FBN2: variants seen among roughly 807,000 people sequenced by gnomAD.
FBN2 encodes fibrillin 2, also known as fibrillin-2.
Under a neutral mutation model 355.6 loss-of-function variants are expected in FBN2, and 105 were observed. The observed-to-expected ratio is 0.30, with a 90% CI of 0.25 to 0.35. The LOEUF (loss-of-function observed/expected upper bound fraction) is 0.35, where lower values mean the gene tolerates loss of function less well. Ranked by LOEUF, FBN2 falls within the 10% of genes least tolerant of loss-of-function variation. FBN2 has a pLI of 1.00. For missense variants in FBN2, 3,280 were observed against 3,758.7 expected (o/e 0.87, Z 3.33); for synonymous variants, 1,350 against 1,301.2 (o/e 1.04, Z -0.81).
chr5:128,518,047 T>G (rs1756330250), intron 5 of FBN2, among the ~76,000 whole-genome samples: 1 of 152,202 alleles, frequency 6.6e-6, no homozygotes, highest in African/African-American at 2.4e-5. Flanking sequence ...ATCAGGACAT[T>G]ATTTTAGATA....
chr5:128,478,917 C>T (rs143938204), intron 5 of FBN2, among the ~76,000 whole-genome samples: 30 of 152,276 alleles, frequency 2.0e-4, no homozygotes, highest in African/African-American at 5.1e-4. Context: ...TAGTTTTATT[C>T]GATAGCATTC....
chr5:128,330,705 A>C lies in FBN2; in HGVS notation c.4223-10T>G. ...GAACATTCGTCCAGATCTGCAGAAC[A>C]CAGCAATAAAGTTCAGAAATGAAAA... On this transcript the variant is annotated splice_polypyrimidine_tract_variant and intron_variant, in intron 32 of 64. Coordinates refer to ENST00000262464, the MANE Select transcript of FBN2 (RefSeq NM_001999.4). 6.2e-7 allele frequency: 1 copy of C among 1,613,910 alleles called. No homozygotes were observed. Among genetic ancestry groups the C allele is most frequent in the Non-Finnish European group, 8.5e-7 (1 of 1,179,788 alleles).
At chr5:128,461,485 G>A (rs1754553691) in intron 6 of FBN2, among the ~76,000 whole-genome samples, 1 of 152,170 alleles carries the variant, frequency 6.6e-6, no homozygotes, top group African/African-American at 2.4e-5. Context: ...ATTTGACCCA[G>A]CAATCCCATT....
At chr5:128,426,161 G>A (rs182927459) in intron 7 of FBN2, among the ~76,000 whole-genome samples, 49 of 152,192 alleles carry the variant, frequency 3.2e-4, no homozygotes, top group Non-Finnish European at 6.3e-4. Context: ...GCTGAATGGG[G>A]AGACTACCAA....
rs199910288 is a variant in FBN2 at position 128,286,748 on chromosome 5, C to A, written c.6982G>T (p.Ala2328Ser). ...TFMCICPPGMARRPDGEGCVD... is the reference protein window; with the variant it reads ...TFMCICPPGMSRRPDGEGCVD... Reference sequence around the variant, plus strand: ...CAGCCTTCTCCATCGGGCCTTCGGGCCATTCCAGGAGGGCAGATGCACATG... The same window carrying A: ...CAGCCTTCTCCATCGGGCCTTCGGGACATTCCAGGAGGGCAGATGCACATG... The change falls in exon 55 of 65, where the codon GCC becomes TCC. Residue 2328 changes from alanine (A) to serine (S), a missense_variant. Around this residue, in one of 6 missense-constraint regions of FBN2, gnomAD observed 2,284 missense variants for 2,749.5 expected, o/e 0.83. Transcript: ENST00000262464. 4.2e-5 allele frequency: 67 copies of A among 1,614,052 alleles called. No individual in the cohort carries two copies. Among genetic ancestry groups the A allele is most frequent in the Middle Eastern group, 1.6e-4 (1 of 6,084 alleles).
intron 23 of FBN2, among the ~76,000 whole-genome samples, chr5:128,346,263 G>C (rs1289642239): frequency 6.6e-6 from 1 of 152,164 alleles, no homozygotes; most frequent in Non-Finnish European, 1.5e-5. Flanking sequence ...TCTAAAAATA[G>C]AGTAGACCAG....
At chr5:128,536,745 T>C (rs1003211237) in intron 1 of FBN2, among the ~76,000 whole-genome samples, 26 of 152,148 alleles carry the variant, frequency 1.7e-4, no homozygotes, top group African/African-American at 6.0e-4. Context: ...AAAAGAGGCA[T>C]GGAAACATAT....
At chr5:128,463,510 G>T (rs1754614326) in intron 6 of FBN2, among the ~76,000 whole-genome samples, 1 of 152,114 alleles carries the variant, frequency 6.6e-6, no homozygotes, top group African/African-American at 2.4e-5. Context: ...TATCTCCGTA[G>T]TTCGGATTCA....
At chr5:128,336,319 G>T (rs1750841309) in intron 27 of FBN2, among the ~76,000 whole-genome samples, 1 of 152,216 alleles carries the variant, frequency 6.6e-6, no homozygotes. Flanking sequence ...CTACAATGAT[G>T]CAACTGCTCC....
chr5:128,388,220 A>C (rs1477694453), intron 11 of FBN2, among the ~76,000 whole-genome samples: 1 of 151,894 alleles, frequency 6.6e-6, no homozygotes, highest in Non-Finnish European at 1.5e-5. Context: ...ATTTACTTTG[A>C]GTCTATGGAT....
At chr5:128,386,874 C>G (rs189333617) in intron 11 of FBN2, among the ~76,000 whole-genome samples, 16 of 152,176 alleles carry the variant, frequency 1.1e-4, no homozygotes, top group African/African-American at 3.9e-4. Context: ...CATCTATGTT[C>G]GTCAAGGATA....
At chr5:128,329,519 A>AAG (rs1750637025) in intron 33 of FBN2, among the ~76,000 whole-genome samples, 1 of 152,152 alleles carries the variant, frequency 6.6e-6, no homozygotes, top group African/African-American at 2.4e-5. Flanking sequence ...ACCTGTGGCT[A>AAG]AGAGCAGCCA....
chr5:128,524,423 C>T (rs1237991508), intron 4 of FBN2, among the ~76,000 whole-genome samples: 4 of 152,134 alleles, frequency 2.6e-5, no homozygotes, highest in Admixed American at 6.6e-5. Context: ...ACTGTCATTT[C>T]TACCAGAATA....
chr5:128,275,449 T>C (rs1765369603), intron 59 of FBN2, among the ~76,000 whole-genome samples: 1 of 151,962 alleles, frequency 6.6e-6, no homozygotes, highest in South Asian at 2.1e-4. Flanking sequence ...ATTATTTTTT[T>C]TTTTTTTGAT....
intron 25 of FBN2, among the ~76,000 whole-genome samples, chr5:128,342,478 C>T (rs1751050342): frequency 6.6e-6 from 1 of 151,952 alleles, no homozygotes; most frequent in African/African-American, 2.4e-5. Flanking sequence ...AGGGGTGAGA[C>T]TTACCAGCAG....
intron 4 of FBN2, among the ~76,000 whole-genome samples, chr5:128,526,813 G>A (rs945673929): frequency 6.6e-6 from 1 of 152,056 alleles, no homozygotes; most frequent in African/African-American, 2.4e-5. Flanking sequence ...TGGTGGTGAT[G>A]GTTACACAAC....
chr5:128,525,432 G>A (rs1756536991), intron 4 of FBN2, among the ~76,000 whole-genome samples: 1 of 152,080 alleles, frequency 6.6e-6, no homozygotes, highest in African/African-American at 2.4e-5. Flanking sequence ...GTCTGTTGTA[G>A]AAAATGTGGG....
At chr5:128,440,396 A>C (rs532562120) in intron 7 of FBN2, among the ~76,000 whole-genome samples, 1 of 152,140 alleles carries the variant, frequency 6.6e-6, no homozygotes, top group Non-Finnish European at 1.5e-5. Flanking sequence ...AAGCTTCAGG[A>C]AACATACAAT....
At chr5:128,392,462 C>T (rs1752541548) in intron 10 of FBN2, among the ~76,000 whole-genome samples, 1 of 152,138 alleles carries the variant, frequency 6.6e-6, no homozygotes, top group South Asian at 2.1e-4. Flanking sequence ...GCTGAATATT[C>T]AGATATAGTA....
Sources: allele counts gnomAD v4.1 joint callset (sites outside exome capture counted in the v4.1 genomes callset), GRCh38; gene constraint gnomAD v4.1.1; regional missense constraint gnomAD v4.1.1; transcripts MANE v1.5; gene names NCBI Gene and HGNC (gene_info 2026-07-23, HGNC 2026-07-21).